Variants in B3GALT1 observed in about 807,000 individuals in gnomAD.
B3GALT1 encodes UDP-Gal:betaGlcNAc beta 1,3-galactosyltransferase, polypeptide 1.
B3GALT1 carries 10 observed loss-of-function variants against 23.2 expected under a neutral mutation model. The observed-to-expected ratio is 0.43, with a 90% CI of 0.27 to 0.73. The LOEUF is 0.73. Ranked by LOEUF, B3GALT1 falls within the 30% of genes least tolerant of loss-of-function variation. The pLI, the probability that B3GALT1 is intolerant of heterozygous loss-of-function variation, is 0.21. For missense variants in B3GALT1, 299 were observed against 405.4 expected (o/e 0.74, Z 2.25); for synonymous variants, 156 against 141.5 (o/e 1.10, Z -0.73).
intron 1 of B3GALT1, among the ~76,000 whole-genome samples, chr2:167,480,071 G>T (rs1465828129): frequency 6.6e-6 from 1 of 152,072 alleles, no homozygotes; most frequent in African/African-American, 2.4e-5. Context: ...CGCAATCTTG[G>T]GTTCTACAGT....
At chr2:167,429,229 C>T (rs1451952703) in intron 1 of B3GALT1, among the ~76,000 whole-genome samples, 4 of 149,288 alleles carry the variant, frequency 2.7e-5, no homozygotes, top group Non-Finnish European at 5.9e-5. Flanking sequence ...TGCAGTGAGC[C>T]GAGATCGCGC....
At chr2:167,680,425 G>GAA (rs1381052287) in intron 3 of B3GALT1, among the ~76,000 whole-genome samples, 2 of 117,436 alleles carry the variant, frequency 1.7e-5, no homozygotes, top group South Asian at 5.2e-4. Context: ...GAGAGAGAGA[G>GAA]AACTTTGTAT....
intron 3 of B3GALT1, among the ~76,000 whole-genome samples, chr2:167,744,373 A>G (rs938217878): frequency 2.0e-5 from 3 of 152,152 alleles, no homozygotes; most frequent in African/African-American, 7.2e-5. Flanking sequence ...ATATATTTTC[A>G]TGTTATTTTA....
At chr2:167,773,432 C>CTGCATAGTTTTGTAAACCATAA (rs1318009592) in intron 3 of B3GALT1, among the ~76,000 whole-genome samples, 2 of 152,122 alleles carry the variant, frequency 1.3e-5, no homozygotes, top group Non-Finnish European at 2.9e-5. Flanking sequence ...TAAACTAGAT[C>CTGCATAGTTTTGTAAACCATAA]ACTTTTACAA....
At chr2:167,556,553 T>C (rs75790545) in intron 2 of B3GALT1, among the ~76,000 whole-genome samples, 1,780 of 152,296 alleles carry the variant, frequency 0.012, 29 homozygotes, top group African/African-American at 0.04. Context: ...CTTGTCTTTT[T>C]AATTTCAATA....
intron 2 of B3GALT1, among the ~76,000 whole-genome samples, chr2:167,605,020 AAG>A (rs1159204857): frequency 1.3e-5 from 2 of 152,168 alleles, no homozygotes; most frequent in African/African-American, 2.4e-5. Flanking sequence ...GTACAATGGA[AAG>A]AGAGCACTAG....
rs534846334 is a variant in B3GALT1, at chr2:167,769,792, G to GT, written c.-351-48877dup. Among the ~76,000 whole-genome samples the GT allele has an allele frequency of 6.3e-3, 958 of 152,284 alleles. 7 individuals are homozygous for GT. The highest frequency in any genetic ancestry group is 0.022 in the African/African-American group (925 of 41,564). On this transcript the variant is annotated intron_variant, in intron 3 of 4. Transcript: ENST00000392690. Reference sequence around the variant, plus strand: ...TATTCCATTATACGGATGTGCCACAGTTTATTTATCTATTCCTCAGCTGAG... The same window carrying GT: ...TATTCCATTATACGGATGTGCCACAGTTTTATTTATCTATTCCTCAGCTGAG...
chr2:167,494,976 G>GT (rs1272757563), intron 2 of B3GALT1, among the ~76,000 whole-genome samples: 7 of 152,122 alleles, frequency 4.6e-5, no homozygotes, highest in African/African-American at 1.7e-4. Context: ...CTGCTGTGGG[G>GT]TAGACAATTT....
chr2:167,657,582 T>A (rs778757624), intron 3 of B3GALT1, among the ~76,000 whole-genome samples: 1 of 152,106 alleles, frequency 6.6e-6, no homozygotes, highest in African/African-American at 2.4e-5. Flanking sequence ...AATATATGAT[T>A]TATCAAATTG....
At chr2:167,745,703 C>G (rs1274114017) in intron 3 of B3GALT1, among the ~76,000 whole-genome samples, 1 of 151,878 alleles carries the variant, frequency 6.6e-6, no homozygotes, top group Non-Finnish European at 1.5e-5. Context: ...ATGTTGAAAA[C>G]CATCTATTTA....
At chr2:167,669,417 C>G (rs2390603) in intron 3 of B3GALT1, among the ~76,000 whole-genome samples, 14,283 of 152,022 alleles carry the variant, frequency 0.094, 1,614 homozygotes, top group African/African-American at 0.25. Context: ...TGGTTTTTTT[C>G]TCTGTTTTCC....
intron 2 of B3GALT1, among the ~76,000 whole-genome samples, chr2:167,539,732 A>T (rs867570133): frequency 2.0e-4 from 30 of 152,124 alleles, no homozygotes; most frequent in Non-Finnish European, 3.8e-4. Flanking sequence ...GCTTTATTTG[A>T]GGTTATTAGA....
intron 1 of B3GALT1, among the ~76,000 whole-genome samples, chr2:167,426,161 G>C (rs752682942): frequency 2.6e-5 from 4 of 152,132 alleles, no homozygotes; most frequent in Non-Finnish European, 4.4e-5. Flanking sequence ...TGATACATTG[G>C]ATTATTTGCC....
intron 4 of B3GALT1, among the ~76,000 whole-genome samples, chr2:167,868,445 C>T (rs1690275989): frequency 6.6e-6 from 1 of 150,410 alleles, no homozygotes; most frequent in South Asian, 2.1e-4. Flanking sequence ...GGTGAGATTT[C>T]CTATCTTGAA....
intron 4 of B3GALT1, among the ~76,000 whole-genome samples, chr2:167,835,221 GGGCGAGGCATTGCCTCA>G (rs1335710704): frequency 1.3e-5 from 2 of 152,228 alleles, no homozygotes; most frequent in Non-Finnish European, 2.9e-5. Context: ...AGCCGAAGCA[GGGCGAGGCATTGCCTCA>G]CACAGGAAGC....
intron 3 of B3GALT1, among the ~76,000 whole-genome samples, chr2:167,794,594 G>A (rs1452414480): frequency 2.0e-5 from 3 of 152,118 alleles, no homozygotes; most frequent in South Asian, 2.1e-4. Context: ...CTGCATACCC[G>A]TTATTTTCCT....
chr2:167,744,896 C>A (rs1183380480), intron 3 of B3GALT1, among the ~76,000 whole-genome samples: 1 of 152,158 alleles, frequency 6.6e-6, no homozygotes, highest in Non-Finnish European at 1.5e-5. Context: ...CCAGACATAC[C>A]ATTTATACAC....
chr2:167,770,631 TAATTTACC>T (rs1688057514), intron 3 of B3GALT1, among the ~76,000 whole-genome samples: 1 of 152,186 alleles, frequency 6.6e-6, no homozygotes, highest in Non-Finnish European at 1.5e-5. Context: ...TGATAAAGTC[TAATTTACC>T]AATTTTTTTT....
chr2:167,669,723 A>G (rs1686287666), intron 3 of B3GALT1, among the ~76,000 whole-genome samples: 1 of 152,186 alleles, frequency 6.6e-6, no homozygotes, highest in Admixed American at 6.5e-5. Context: ...TGAGAAGATA[A>G]CCAATTTTTT....
Sources: allele counts gnomAD v4.1 joint callset (sites outside exome capture counted in the v4.1 genomes callset), GRCh38; gene constraint gnomAD v4.1.1; transcripts MANE v1.5; gene names NCBI Gene and HGNC (gene_info 2026-07-23, HGNC 2026-07-21).